The following KIAA0319L variants were observed in gnomAD, a reference collection of about 807,000 sequenced individuals.
The protein encoded by KIAA0319L is dyslexia-associated protein KIAA0319-like protein.
KIAA0319L carries 55 observed loss-of-function variants against 120.1 expected under a neutral mutation model. The observed-to-expected ratio is 0.46, with a 90% CI of 0.37 to 0.57. The LOEUF (loss-of-function observed/expected upper bound fraction) is 0.57. Ranked by LOEUF, KIAA0319L falls within the 20% of genes least tolerant of loss-of-function variation. The pLI is 0.00. For missense variants in KIAA0319L, 1,049 were observed against 1,255.3 expected (o/e 0.84, Z 2.48); for synonymous variants, 398 against 471.9 (o/e 0.84, Z 2.03).
chr1:35,536,872 C>T (rs900421582), intron 2 of KIAA0319L, among the ~76,000 whole-genome samples: 17 of 145,690 alleles, frequency 1.2e-4, no homozygotes, highest in Admixed American at 1.1e-3. Flanking sequence ...AAGCTATGCA[C>T]TTAAAAAAAA....
chr1:35,522,630 G>A (rs1030548748), intron 2 of KIAA0319L, among the ~76,000 whole-genome samples: 5 of 151,752 alleles, frequency 3.3e-5, no homozygotes, highest in Admixed American at 6.6e-5. Context: ...ATTTTCTTTT[G>A]AAAAATAAGT....
At chr1:35,450,581 G>T in intron 13 of KIAA0319L, 72 bp from the exon 14 acceptor site, 3 of 1,442,556 alleles carry the variant, frequency 2.1e-6, no homozygotes, top group South Asian at 1.2e-5. Flanking sequence ...TGATGCTTAT[G>T]GGGAAATTAA....
At chr1:35,457,824 A>G (rs187449271) in intron 9 of KIAA0319L, among the ~76,000 whole-genome samples, 5 of 152,350 alleles carry the variant, frequency 3.3e-5, no homozygotes, top group African/African-American at 1.2e-4. Flanking sequence ...AAAGCACAAA[A>G]ACCTCAGACA....
At chr1:35,535,302 C>T (rs1364451835) in intron 2 of KIAA0319L, among the ~76,000 whole-genome samples, 3 of 152,136 alleles carry the variant, frequency 2.0e-5, no homozygotes, top group Non-Finnish European at 4.4e-5. Context: ...AATTCATTCC[C>T]CAAGGTAATG....
At chr1:35,456,280 T>C in intron 9 of KIAA0319L, 39 bp from the exon 10 acceptor site, 1 of 1,346,306 alleles carries the variant, frequency 7.4e-7, no homozygotes, top group Non-Finnish European at 1.0e-6. Flanking sequence ...AGGGACGGGT[T>C]TAAGGAAAGA....
At chr1:35,487,610 A>G (rs1361205212) in intron 3 of KIAA0319L, among the ~76,000 whole-genome samples, 1 of 152,208 alleles carries the variant, frequency 6.6e-6, no homozygotes, top group Non-Finnish European at 1.5e-5. Context: ...GATTTTACTC[A>G]GATTTGGGGC....
intron 2 of KIAA0319L, among the ~76,000 whole-genome samples, chr1:35,545,986 G>C (rs1429040507): frequency 6.6e-6 from 1 of 152,140 alleles, no homozygotes; most frequent in African/African-American, 2.4e-5. Context: ...GAAAAGAAAG[G>C]GGGTAAAAGA....
intron 2 of KIAA0319L, among the ~76,000 whole-genome samples, chr1:35,537,511 C>A (rs146494637): frequency 4.5e-4 from 67 of 147,512 alleles, no homozygotes; most frequent in African/African-American, 1.5e-3. Flanking sequence ...AATAATATAG[C>A]TAGCCATGAA....
intron 20 of KIAA0319L, chr1:35,438,857 C>A (rs1188631): frequency 0.037 from 5,673 of 152,100 alleles, 294 homozygotes; most frequent in East Asian, 0.25. Context: ...ACAACAACAA[C>A]AAAAAAACCT....
At chr1:35,474,767 A>C in intron 5 of KIAA0319L, 38 bp downstream of exon 5, 1 of 1,313,090 alleles carries the variant, frequency 7.6e-7, no homozygotes, top group Non-Finnish European at 1.1e-6. Context: ...CTCTTTCAAA[A>C]ACAAAAAACG....
intron 12 of KIAA0319L, 22 bp from the exon 13 acceptor site, chr1:35,451,798 G>A (rs753873608): frequency 4.3e-6 from 7 of 1,613,124 alleles, no homozygotes; most frequent in Non-Finnish European, 5.9e-6. Context: ...GAAACTAGAG[G>A]GTAGAGTTGT....
chr1:35,532,463 T>C (rs1046837946), intron 2 of KIAA0319L, among the ~76,000 whole-genome samples: 3 of 152,198 alleles, frequency 2.0e-5, no homozygotes, highest in Non-Finnish European at 4.4e-5. Flanking sequence ...TCTTAAATGA[T>C]TCTAGTTTCA....
chr1:35,521,830 G>T (rs949467290), intron 2 of KIAA0319L, among the ~76,000 whole-genome samples: 4 of 151,214 alleles, frequency 2.6e-5, no homozygotes, highest in Non-Finnish European at 4.4e-5. Flanking sequence ...AAAATTAGCC[G>T]GTCATGGTGG....
At chr1:35,521,230 G>A (rs753956097) in intron 2 of KIAA0319L, among the ~76,000 whole-genome samples, 13 of 152,042 alleles carry the variant, frequency 8.6e-5, no homozygotes, top group South Asian at 2.1e-4. Flanking sequence ...CCCAGCAACT[G>A]GGGGAGGTTG....
At chr1:35,532,547 G>A (rs1646411656) in intron 2 of KIAA0319L, among the ~76,000 whole-genome samples, 1 of 152,100 alleles carries the variant, frequency 6.6e-6, no homozygotes, top group Admixed American at 6.5e-5. Flanking sequence ...TTTCAGTGTT[G>A]ATACTCTTGG....
chr1:35,540,729 T>A (rs1422727645), intron 2 of KIAA0319L, among the ~76,000 whole-genome samples: 3 of 152,154 alleles, frequency 2.0e-5, no homozygotes, highest in Non-Finnish European at 4.4e-5. Context: ...TCTCCTACAT[T>A]CCCAGGATTC....
intron 4 of KIAA0319L, 121 bp downstream of exon 4, chr1:35,478,845 T>C (rs1644020506): frequency 8.3e-7 from 1 of 1,203,962 alleles, no homozygotes; most frequent in African/African-American, 1.5e-5. Flanking sequence ...AATGACAGAG[T>C]TATTTTTTCT....
At chr1:35,461,524 T>C (rs1441151012) in intron 8 of KIAA0319L, among the ~76,000 whole-genome samples, 1 of 152,038 alleles carries the variant, frequency 6.6e-6, no homozygotes, top group Non-Finnish European at 1.5e-5. Flanking sequence ...TAACAGCACA[T>C]ATAATGTGCT....
chr1:35,519,409 C>T (rs979325363), intron 2 of KIAA0319L, among the ~76,000 whole-genome samples: 1 of 152,178 alleles, frequency 6.6e-6, no homozygotes, highest in African/African-American at 2.4e-5. Flanking sequence ...TCTACGTAAA[C>T]TTCCACTGCT....
Sources: gnomAD v4.1 joint callset for allele counts (sites outside exome capture counted in the v4.1 genomes callset) on GRCh38, gnomAD v4.1.1 for gene constraint, MANE v1.5 for transcripts, NCBI Gene and HGNC (gene_info 2026-07-23, HGNC 2026-07-21) for gene names.